Variants in FMNL2 observed in about 807,000 individuals in gnomAD.
The protein encoded by FMNL2 is formin like 2, also known as formin-like protein 2.
FMNL2 carries 51 observed loss-of-function variants against 130.2 expected under a neutral mutation model. The ratio of observed to expected loss-of-function variants is 0.39; its 90% confidence interval spans 0.31 to 0.49. FMNL2 has a LOEUF of 0.49. Among genes scored for constraint, FMNL2 ranks in the 20% least tolerant of loss-of-function variants. The pLI is 0.85. For synonymous variants in FMNL2, 465 were observed against 467.1 expected, an observed-to-expected ratio of 1.00 and a Z score of 0.06; for missense variants, 977 against 1,316.2, an observed-to-expected ratio of 0.74 and a Z score of 3.99.
intron 2 of FMNL2, among the ~76,000 whole-genome samples, chr2:152,528,341 A>C (rs13031546): frequency 0.048 from 7,267 of 152,222 alleles, 194 homozygotes; most frequent in Middle Eastern, 0.068. Context: ...CAATAACAGA[A>C]ATGTGTTCTC....
chr2:152,343,384 CTCCT>C (rs1681922712), intron 1 of FMNL2, among the ~76,000 whole-genome samples: 2 of 152,164 alleles, frequency 1.3e-5, no homozygotes, highest in African/African-American at 4.8e-5. Context: ...CAACCTCTGC[CTCCT>C]GGGTTCAAGC....
Position 152,598,914 on chromosome 2 carries a change from C to T in FMNL2, c.877-8425C>T, listed in dbSNP as rs150811752. Among the ~76,000 whole-genome samples, 95 of 152,254 alleles carry T rather than the reference C, an allele frequency of 6.2e-4. 1 individual carries two copies. The highest frequency in any genetic ancestry group is 3.5e-3 in the East Asian group (18 of 5,186). On this transcript the variant is annotated intron_variant, in intron 9 of 25. Coordinates refer to ENST00000288670, the MANE Select transcript of FMNL2 (RefSeq NM_052905.4). ...TCTGTAAGCTGGAAATCCAGAAAAGCTAGGGTGTCATTCAGCTCAAGTCTG... is the reference window on the plus strand; with the variant it reads ...TCTGTAAGCTGGAAATCCAGAAAAGTTAGGGTGTCATTCAGCTCAAGTCTG...
At chr2:152,553,283 T>C (rs1261658677) in intron 4 of FMNL2, among the ~76,000 whole-genome samples, 1 of 152,228 alleles carries the variant, frequency 6.6e-6, no homozygotes, top group East Asian at 1.9e-4. Flanking sequence ...TCCTAGATGG[T>C]ACTTTTTTAG....
chr2:152,396,097 G>A (rs529312347), intron 1 of FMNL2, among the ~76,000 whole-genome samples: 1 of 152,188 alleles, frequency 6.6e-6, no homozygotes, highest in South Asian at 2.1e-4. Context: ...TTTAATCACG[G>A]CATTTCTGCA....
chr2:152,470,190 C>T (rs556654243), intron 1 of FMNL2, among the ~76,000 whole-genome samples: 3 of 152,114 alleles, frequency 2.0e-5, no homozygotes, highest in Non-Finnish European at 4.4e-5. Flanking sequence ...ATATTTGAGG[C>T]TGAATAATGC....
intron 1 of FMNL2, among the ~76,000 whole-genome samples, chr2:152,423,023 T>C (rs746545403): frequency 5.3e-5 from 8 of 152,236 alleles, no homozygotes; most frequent in Non-Finnish European, 1.0e-4. Flanking sequence ...TTGAAAATTA[T>C]TTAAGTAAAA....
At chr2:152,356,035 A>G (rs1490407524) in intron 1 of FMNL2, among the ~76,000 whole-genome samples, 1 of 152,212 alleles carries the variant, frequency 6.6e-6, no homozygotes, top group East Asian at 1.9e-4. Context: ...TTGCTTCTGA[A>G]TTTATAGAAA....
chr2:152,548,653 C>A (rs969910160), intron 3 of FMNL2, among the ~76,000 whole-genome samples: 1 of 152,170 alleles, frequency 6.6e-6, no homozygotes, highest in Non-Finnish European at 1.5e-5. Context: ...TACTGTAATA[C>A]ATCATAGCCA....
At chr2:152,645,517 A>G (rs750528443) in intron 25 of FMNL2, 3 of 1,289,934 alleles carry the variant, frequency 2.3e-6, no homozygotes, top group South Asian at 1.2e-5. Flanking sequence ...GGTGGAGGAT[A>G]CACAGAGCTG....
At chr2:152,508,559 A>G (rs1479132230) in intron 1 of FMNL2, among the ~76,000 whole-genome samples, 1 of 152,190 alleles carries the variant, frequency 6.6e-6, no homozygotes, top group Non-Finnish European at 1.5e-5. Flanking sequence ...TGAGTTAGCT[A>G]TGGTTCATCT....
chr2:152,636,710 CTTG>C lies in FMNL2; in HGVS notation c.2844+125_2844+127del, dbSNP rs1682639519. 3 of 1,165,090 alleles carry C rather than the reference CTTG, an allele frequency of 2.6e-6. No individual in the cohort carries two copies. In the African/African-American group the frequency reaches 4.7e-5, roughly 18 times the overall value. 72.2% of individuals were successfully genotyped at this position (1,165,090 alleles called of 1,614,324 possible). A position where few individuals can be genotyped will look rare whatever the true frequency, so the allele number is the denominator to read the frequency against. On this transcript the variant is annotated intron_variant, in intron 22 of 25. Coordinates refer to ENST00000288670, the MANE Select transcript of FMNL2 (RefSeq NM_052905.4). ...CCCTCTGTTTGTGGAGGGTAGCTTTCTTGTTGTAACTATTATTTATTACGGGGG... is the reference window on the plus strand; with the variant it reads ...CCCTCTGTTTGTGGAGGGTAGCTTTCTTGTAACTATTATTTATTACGGGGG...
chr2:152,539,666 C>T (rs1008581694), intron 2 of FMNL2, among the ~76,000 whole-genome samples: 3 of 152,116 alleles, frequency 2.0e-5, no homozygotes, highest in South Asian at 2.1e-4. Flanking sequence ...TACATGTAGA[C>T]CTTGTTCATA....
intron 1 of FMNL2, among the ~76,000 whole-genome samples, chr2:152,461,844 A>G (rs1195065819): frequency 4.6e-5 from 7 of 151,718 alleles, no homozygotes; most frequent in African/African-American, 1.5e-4. Context: ...AAAATGTGCA[A>G]TGTTGGCACA....
intron 9 of FMNL2, among the ~76,000 whole-genome samples, chr2:152,594,125 A>G (rs894651963): frequency 1.3e-5 from 2 of 152,208 alleles, no homozygotes; most frequent in South Asian, 4.1e-4. Flanking sequence ...GTATATTGTG[A>G]TGTAAGTTTT....
At chr2:152,591,459 A>G (rs913912761) in intron 9 of FMNL2, among the ~76,000 whole-genome samples, 1 of 152,240 alleles carries the variant, frequency 6.6e-6, no homozygotes, top group African/African-American at 2.4e-5. Context: ...CTGTTGAGCA[A>G]ATATACTTTT....
chr2:152,554,979 G>A (rs1457640458), intron 4 of FMNL2, among the ~76,000 whole-genome samples: 1 of 152,208 alleles, frequency 6.6e-6, no homozygotes, highest in Admixed American at 6.5e-5. Context: ...TACTAAATGA[G>A]TAAGCTTTAA....
intron 1 of FMNL2, among the ~76,000 whole-genome samples, chr2:152,435,921 C>T (rs1344866002): frequency 6.6e-6 from 1 of 152,196 alleles, no homozygotes; most frequent in African/African-American, 2.4e-5. Flanking sequence ...ACAATACTAC[C>T]TTGACCCAGC....
chr2:152,590,451 C>G (rs532332842), intron 9 of FMNL2, among the ~76,000 whole-genome samples: 2 of 152,022 alleles, frequency 1.3e-5, no homozygotes, highest in African/African-American at 2.4e-5. Context: ...AACCCTGTCT[C>G]TACTAAAAAT....
intron 15 of FMNL2, among the ~76,000 whole-genome samples, chr2:152,622,090 C>G (rs1681372072): frequency 6.6e-6 from 1 of 152,148 alleles, no homozygotes; most frequent in Non-Finnish European, 1.5e-5. Context: ...CTTCCTTCCT[C>G]TCAAGTCTGT....
Sources: gnomAD v4.1 joint callset for allele counts (sites outside exome capture counted in the v4.1 genomes callset) on GRCh38, gnomAD v4.1.1 for gene constraint, MANE v1.5 for transcripts, NCBI Gene and HGNC (gene_info 2026-07-23, HGNC 2026-07-21) for gene names.